The following DDB1 variants were observed in gnomAD, a reference collection of about 807,000 sequenced individuals.
DDB1 encodes DNA damage-binding protein 1.
DDB1 carries 18 observed loss-of-function variants against 133.1 expected under a neutral mutation model. That is an observed-to-expected ratio of 0.14 (90% confidence interval 0.09 to 0.20). The LOEUF is 0.20. Ranked by LOEUF, DDB1 falls within the 10% of genes least tolerant of loss-of-function variation. DDB1 has a pLI of 1.00. For missense variants in DDB1, 828 were observed against 1,459.2 expected (o/e 0.57, Z 7.05); for synonymous variants, 580 against 550.5 (o/e 1.05, Z -0.75).
rs373543959 is a variant in DDB1, at chr11:61,304,050, G to A, written c.2662-15C>T. 301 of 1,613,258 alleles carry A rather than the reference G, an allele frequency of 1.9e-4. No homozygotes were observed. Among genetic ancestry groups the A allele is most frequent in the Non-Finnish European group, 2.5e-4 (297 of 1,179,926 alleles). On this transcript the variant is annotated splice_polypyrimidine_tract_variant and intron_variant, in intron 21 of 26. Coordinates refer to ENST00000301764, the MANE Select transcript of DDB1 (RefSeq NM_001923.5). ...TAGAGCCGCACCTGGGAAGGGCATT[G>A]TCTCTCTCAGCCAAAGGGGCCAGAG...
At chr11:61,327,791 T>C (rs1158256317) in intron 4 of DDB1, among the ~76,000 whole-genome samples, 1 of 152,186 alleles carries the variant, frequency 6.6e-6, no homozygotes, top group African/African-American at 2.4e-5. Flanking sequence ...GGAAGACAGC[T>C]TCAACAAAGA....
intron 12 of DDB1, chr11:61,315,998 A>T: frequency 3.7e-6 from 1 of 271,046 alleles, no homozygotes; most frequent in Non-Finnish European, 6.9e-6. Context: ...CTAAAATAGG[A>T]TCCGAAACTA....
Position 61,302,625 on chromosome 11 carries a change from G to C in DDB1, c.3069C>G (p.Pro1023=), listed in dbSNP as rs773551556. The C allele has an allele frequency of 1.2e-6, 2 of 1,614,092 alleles. No individual in the cohort carries two copies. The highest frequency in any genetic ancestry group is 3.3e-5 in the Admixed American group (2 of 60,004). The change falls in exon 24 of 27, where the codon CCC becomes CCG. Residue 1023 remains proline, a synonymous_variant. Transcript: ENST00000301764. ...TGCCGAAGAGCACCGAGCCTTGTGT[G>C]GGGGTGGAAGTCTCACCCAGATTCT... ...VMQNLGETST[P]TQGSVLFGTV... is the part of the protein sequence containing the mutation.
chr11:61,328,112 TCAA>T (rs539750602), intron 4 of DDB1, among the ~76,000 whole-genome samples: 4 of 152,124 alleles, frequency 2.6e-5, no homozygotes, highest in Non-Finnish European at 4.4e-5. Context: ...CCTTGAATAA[TCAA>T]CAACATCAAA....
At chr11:61,315,750 A>G (rs537341213) in intron 12 of DDB1, 1 of 152,932 alleles carries the variant, frequency 6.5e-6, no homozygotes, top group African/African-American at 2.4e-5. Flanking sequence ...GTGGATAACA[A>G]TATGCCAGAA....
In DDB1 at chr11:61,300,812, T is replaced by C; in HGVS notation, c.3336A>G (p.Leu1112=). Residue 1112 remains leucine (L), a synonymous_variant, in exon 26 of 27, where the codon CTA becomes CTG. Coordinates refer to ENST00000301764, the MANE Select transcript of DDB1 (RefSeq NM_001923.5). ...RPKMQEVVAN[L]QYDDGSGMKR... ...GGTTAAACACCACACAGCTCACCTG[T>C]AGGTTTGCCACCACCTCCTGCATCT... The C allele has an allele frequency of 1.2e-6, 2 of 1,614,154 alleles. No homozygotes were observed. The highest frequency in any genetic ancestry group is 1.7e-6 in the Non-Finnish European group (2 of 1,180,016).
At chr11:61,316,119 A>G in intron 12 of DDB1, 166 bp downstream of exon 12, 1 of 626,640 alleles carries the variant, frequency 1.6e-6, no homozygotes. Flanking sequence ...TCTAAGGTTA[A>G]GAGTTGTGAT....
rs552249276 is a variant in DDB1 at position 61,299,952 on chromosome 11, C to A, written c.*184G>T. On this transcript the variant is annotated 3_prime_UTR_variant, in exon 27 of 27. Coordinates refer to ENST00000301764, the MANE Select transcript of DDB1 (RefSeq NM_001923.5). ...AAAAATCCAGGGAGAAAATGTTTCA[C>A]CTTCAGCTCATTCCCAAGTCTCTAT... is the stretch of plus-strand genomic sequence containing the variant. The A allele has an allele frequency of 5.3e-4, 322 of 608,938 alleles. 3 individuals are homozygous for A. The highest frequency in any genetic ancestry group is 3.5e-5 in the Non-Finnish European group (12 of 342,346). 37.7% of individuals were successfully genotyped at this position (608,938 alleles called of 1,614,324 possible).
At chr11:61,325,492 A>G in intron 6 of DDB1, 119 bp downstream of exon 6, 1 of 786,542 alleles carries the variant, frequency 1.3e-6, no homozygotes. Context: ...CCTTATATAC[A>G]TAGTAAATTG....
At position 61,303,852 on chromosome 11, in the gene DDB1, C is replaced by A; in HGVS notation, c.2832+13G>T. 2 of 1,613,554 alleles carry A rather than the reference C, an allele frequency of 1.2e-6. No homozygotes were observed. The highest frequency in any genetic ancestry group is 1.7e-4 in the Middle Eastern group (1 of 5,890). On this transcript the variant is annotated intron_variant, in intron 22 of 26. Transcript: ENST00000301764. Reference sequence around the variant, plus strand: ...AAGCAAGAAGTCTGCTCGCATCCCCCCACCAGCATCACCTCTTCAAAGTTT... The same window carrying A: ...AAGCAAGAAGTCTGCTCGCATCCCCACACCAGCATCACCTCTTCAAAGTTT...
intron 21 of DDB1, among the ~76,000 whole-genome samples, chr11:61,305,334 C>T (rs556273181): frequency 7.9e-5 from 12 of 152,248 alleles, no homozygotes; most frequent in African/African-American, 2.9e-4. Context: ...TGGTGAAACC[C>T]CATCTCTACT....
At position 61,322,539 on chromosome 11, in the gene DDB1, G is replaced by T. The variant is rs28720289; in HGVS notation, c.1006-127C>A. 838 of 744,908 alleles carry T rather than the reference G, an allele frequency of 1.1e-3. 7 individuals carry two copies. The African/African-American group carries it at 0.013, about 12-fold the overall frequency. The allele number at this position is 744,908 out of a possible 1,614,324, so 46.1% of individuals were successfully genotyped here. On this transcript the variant is annotated intron_variant, in intron 8 of 26. Transcript: ENST00000301764. ...TAGATCTGCCATTCTCATGTTCCAA[G>T]GGATGATTCCAGAAGGGGACTATTG...
intron 21 of DDB1, among the ~76,000 whole-genome samples, chr11:61,308,470 A>G (rs191475867): frequency 7.8e-4 from 119 of 152,272 alleles, no homozygotes; most frequent in Non-Finnish European, 7.4e-5. Flanking sequence ...ATTTGCTCAT[A>G]AACTCCAAAA....
In DDB1 at chr11:61,303,966, C is replaced by T. The variant is rs1262067321; in HGVS notation, c.2731G>A (p.Ala911Thr). Residue 911 changes from alanine (A) to threonine (T), a missense_variant, in exon 22 of 27, where the codon GCC becomes ACC. Transcript: ENST00000301764. ...TCGCCCTTGGTCTTCAGGTAGAGGG[C>T]CATGATGTTGTTGTAGTGGTTGCAC... Reference protein sequence around the residue: ...TECNHYNNIMALYLKTKGDFI... With the variant: ...TECNHYNNIMTLYLKTKGDFI... 1 of 1,614,042 alleles carries T rather than the reference C, an allele frequency of 6.2e-7. No homozygotes were observed.
intron 4 of DDB1, 72 bp from the exon 5 acceptor site, chr11:61,326,965 A>G (rs2134935268): frequency 9.1e-7 from 1 of 1,093,554 alleles, no homozygotes; most frequent in Admixed American, 1.8e-5. Context: ...TGCTGTAAGG[A>G]ATAAGCCACC....
chr11:61,320,032 T>G (rs778378279), intron 10 of DDB1, among the ~76,000 whole-genome samples: 25 of 152,228 alleles, frequency 1.6e-4, no homozygotes, highest in Non-Finnish European at 3.2e-4. Flanking sequence ...TCCTCTACTA[T>G]GCTTTCTAAT....
At position 61,316,919 on chromosome 11, in the gene DDB1, C is replaced by CA. The variant is rs58795761; in HGVS notation, c.1226-353dup. Among the ~76,000 whole-genome samples the CA allele has an allele frequency of 6.1e-3, 133 of 21,694 alleles. 6 individuals carry two copies. The highest frequency in any genetic ancestry group is 9.8e-3 in the Admixed American group (15 of 1,538). The allele number at this position is 21,694 out of a possible 152,430, so 14.2% of individuals were successfully genotyped here. On this transcript the variant is annotated intron_variant, in intron 10 of 26. Coordinates refer to ENST00000301764, the MANE Select transcript of DDB1 (RefSeq NM_001923.5). ...TGGGTGACACAGCAAGATCCTGTCTCAAAAAAAAAAAAAAAAAAAAAGGAT... is the reference window on the plus strand; with the variant it reads ...TGGGTGACACAGCAAGATCCTGTCTCAAAAAAAAAAAAAAAAAAAAAAGGAT...
At chr11:61,321,096 G>A (rs549807988) in intron 10 of DDB1, among the ~76,000 whole-genome samples, 23 of 152,056 alleles carry the variant, frequency 1.5e-4, no homozygotes, top group African/African-American at 4.8e-4. Context: ...TGCCTAGGCT[G>A]GTCTCAAACT....
intron 1 of DDB1, 111 bp downstream of exon 1, chr11:61,332,797 C>A: frequency 1.1e-6 from 1 of 948,188 alleles, no homozygotes; most frequent in Non-Finnish European, 1.4e-6. Flanking sequence ...CAGCGCCTTC[C>A]ATTCGCCGGG....
Sources: gnomAD v4.1 joint callset for allele counts (sites outside exome capture counted in the v4.1 genomes callset) on GRCh38, gnomAD v4.1.1 for gene constraint, MANE v1.5 for transcripts, NCBI Gene and HGNC (gene_info 2026-07-23, HGNC 2026-07-21) for gene names.